Variants in CLASP2 observed in about 807,000 individuals in gnomAD.
The protein encoded by CLASP2 is CLIP-associating protein 2.
In CLASP2, 47 loss-of-function variants were observed where a neutral mutation model predicts 194.4. The ratio of observed to expected loss-of-function variants is 0.24; its 90% CI spans 0.19 to 0.31. The LOEUF is 0.31. Among genes scored for constraint, CLASP2 ranks in the 10% least tolerant of loss-of-function variants. The pLI, the probability that CLASP2 is intolerant of heterozygous loss-of-function variation, is 1.00. For synonymous variants in CLASP2, 619 were observed against 633.5 expected (o/e 0.98, Z 0.34); for missense variants, 1,445 against 1,823.6 (o/e 0.79, Z 3.78).
At chr3:33,619,790 T>A in intron 11 of CLASP2, 52 bp from the exon 12 acceptor site, 1 of 1,370,456 alleles carries the variant, frequency 7.3e-7, no homozygotes, top group Non-Finnish European at 9.7e-7. Flanking sequence ...TAAATATAGA[T>A]AGAACCATAT....
Position 33,608,616 on chromosome 3 carries a change from C to T in CLASP2, c.1399G>A (p.Glu467Lys), listed in dbSNP as rs1174447608. The change falls in exon 14 of 39, where the codon GAA becomes AAA. Residue 467 changes from glutamate (E) to lysine (K), a missense_variant. Transcript: ENST00000682230. ...KSVPVRRRSF[E>K]FLDLLLQEWQ... Reference sequence around the variant, plus strand: ...TCTTGCAACAATAAATCTAAAAATTCAAATGAACGTCTGAAAAATAAAAGT... The same window carrying T: ...TCTTGCAACAATAAATCTAAAAATTTAAATGAACGTCTGAAAAATAAAAGT... 1 of 1,608,084 alleles carries T rather than the reference C, an allele frequency of 6.2e-7. No homozygotes were observed. Among genetic ancestry groups the T allele is most frequent in the Admixed American group, 1.7e-5 (1 of 59,442 alleles).
intron 22 of CLASP2, 70 bp downstream of exon 22, chr3:33,584,680 T>C (rs1423590828): frequency 2.2e-6 from 3 of 1,373,682 alleles, no homozygotes; most frequent in Non-Finnish European, 2.9e-6. Context: ...AAGTCTTCAA[T>C]GCTGCCAAAG....
intron 2 of CLASP2, among the ~76,000 whole-genome samples, chr3:33,694,516 C>T (rs991706539): frequency 1.3e-5 from 2 of 152,162 alleles, no homozygotes; most frequent in South Asian, 2.1e-4. Flanking sequence ...CAAGGAGACA[C>T]AGGAAATGCT....
At chr3:33,679,905 T>C (rs1287530307) in intron 6 of CLASP2, among the ~76,000 whole-genome samples, 1 of 152,150 alleles carries the variant, frequency 6.6e-6, no homozygotes, top group Non-Finnish European at 1.5e-5. Context: ...GAGACAAAAA[T>C]GTATGTCCAC....
intron 6 of CLASP2, among the ~76,000 whole-genome samples, chr3:33,682,771 T>G (rs4630892): frequency 6.6e-6 from 1 of 152,068 alleles, no homozygotes; most frequent in African/African-American, 2.4e-5. Context: ...AGTGACTAAT[T>G]TAAAAAACAA....
At chr3:33,612,334 A>G (rs2075339989) in intron 12 of CLASP2, among the ~76,000 whole-genome samples, 1 of 152,218 alleles carries the variant, frequency 6.6e-6, no homozygotes, top group Non-Finnish European at 1.5e-5. Flanking sequence ...AGAACTGTTA[A>G]GACAATATAG....
Position 33,673,918 on chromosome 3 carries a change from T to C in CLASP2, c.645-10403A>G, listed in dbSNP as rs547819890. Among the ~76,000 whole-genome samples, 653 of 152,218 alleles carry C rather than the reference T, an allele frequency of 4.3e-3. 4 individuals carry two copies. The highest frequency in any genetic ancestry group is 0.013 in the African/African-American group (526 of 41,496). Reference sequence around the variant, plus strand: ...CTATCCTAAATATATATGCACCCAATACAGGAGCACCCAGATTCATAAAGA... The same window carrying C: ...CTATCCTAAATATATATGCACCCAACACAGGAGCACCCAGATTCATAAAGA... On this transcript the variant is annotated intron_variant, in intron 6 of 38. Coordinates refer to ENST00000682230, the MANE Select transcript of CLASP2 (RefSeq NM_001365631.1).
Position 33,510,548 on chromosome 3 carries a change from T to TG in CLASP2, c.4317+9dup. ...TCATGGCTTATTCCTCTCCAAGCTT[T>TG]GTTGCTTACCTGTATTAGACCTGGC... is the stretch of plus-strand genomic sequence containing the variant. On this transcript the variant is annotated intron_variant, in intron 37 of 38. Transcript: ENST00000682230. The TG allele has an allele frequency of 6.2e-7, 1 of 1,612,928 alleles. No homozygotes were observed. The highest frequency in any genetic ancestry group is 8.5e-7 in the Non-Finnish European group (1 of 1,179,000).
chr3:33,620,599 A>C (rs1212959078), intron 11 of CLASP2, among the ~76,000 whole-genome samples: 1 of 152,190 alleles, frequency 6.6e-6, no homozygotes, highest in African/African-American at 2.4e-5. Flanking sequence ...AATGAAAAGC[A>C]GGGAGGTGTG....
At chr3:33,654,289 C>A (rs902807134) in intron 7 of CLASP2, among the ~76,000 whole-genome samples, 1 of 151,952 alleles carries the variant, frequency 6.6e-6, no homozygotes, top group African/African-American at 2.4e-5. Flanking sequence ...CAAATGTGCA[C>A]ATGAGTGCAC....
At chr3:33,531,688 T>C (rs1194476007) in intron 34 of CLASP2, among the ~76,000 whole-genome samples, 1 of 152,176 alleles carries the variant, frequency 6.6e-6, no homozygotes, top group Admixed American at 6.5e-5. Flanking sequence ...GGCAGGAGAA[T>C]TGTTTGAACC....
In CLASP2 at chr3:33,659,055, T is replaced by C. The variant is rs2084821746; in HGVS notation, c.715+4390A>G. 13 of 1,529,046 alleles carry C rather than the reference T, an allele frequency of 8.5e-6. No homozygotes were observed. The Admixed American group carries it at 1.2e-4, about 14-fold the overall frequency. 94.7% of individuals were successfully genotyped at this position (1,529,046 alleles called of 1,614,324 possible). On this transcript the variant is annotated intron_variant, in intron 7 of 38. Transcript: ENST00000682230. Reference sequence around the variant, plus strand: ...AGCACAGCAAATAAGTACAGCTCAGTGCCTGCGCCACTGGGCTCGGCCTGC... The same window carrying C: ...AGCACAGCAAATAAGTACAGCTCAGCGCCTGCGCCACTGGGCTCGGCCTGC...
chr3:33,674,922 A>C (rs2088206880), intron 6 of CLASP2, among the ~76,000 whole-genome samples: 1 of 152,192 alleles, frequency 6.6e-6, no homozygotes, highest in Non-Finnish European at 1.5e-5. Flanking sequence ...CAATAACAGG[A>C]GCTGAAATTG....
At position 33,684,602 on chromosome 3, in the gene CLASP2, AAAC is replaced by A. The variant is rs1212698792; in HGVS notation, c.547-149_547-147del. The stretch of plus-strand genomic sequence containing the variant: ...CATATATGGCTTGTCATCAGTAAAA[AAAC>A]AAGAGGGCCTGCCAAGATACTTCTA... On this transcript the variant is annotated intron_variant, in intron 5 of 38. Transcript: ENST00000682230. The A allele has an allele frequency of 1.6e-5, 7 of 433,598 alleles. No homozygotes were observed. The East Asian group carries it at 2.1e-4, about 13-fold the overall frequency. The allele number at this position is 433,598 out of a possible 1,614,324, so 26.9% of individuals were successfully genotyped here.
chr3:33,510,821 C>T, intron 36 of CLASP2, 57 bp from the exon 37 acceptor site: 2 of 1,409,532 alleles, frequency 1.4e-6, no homozygotes, highest in Non-Finnish European at 2.0e-6. Context: ...ACACTACATC[C>T]TGGAAGTATA....
At chr3:33,602,711 TAC>T (rs1258960354) in intron 18 of CLASP2, 1 of 686,192 alleles carries the variant, frequency 1.5e-6, no homozygotes, top group African/African-American at 1.8e-5. Flanking sequence ...ATGAAAATTC[TAC>T]AGGCAATCAT....
intron 2 of CLASP2, among the ~76,000 whole-genome samples, chr3:33,696,185 T>C (rs2091878698): frequency 6.6e-6 from 1 of 151,914 alleles, no homozygotes. Context: ...AATTTTGCTA[T>C]AATTTATTCT....
At chr3:33,586,152 C>A (rs1486723306) in intron 21 of CLASP2, among the ~76,000 whole-genome samples, 1 of 151,742 alleles carries the variant, frequency 6.6e-6, no homozygotes, top group African/African-American at 2.4e-5. Context: ...TTTTCCCCCC[C>A]GAGACAGAGT....
chr3:33,697,229 G>C (rs1226936044), intron 1 of CLASP2, among the ~76,000 whole-genome samples: 2 of 152,184 alleles, frequency 1.3e-5, no homozygotes. Context: ...CTACAGTCAT[G>C]CATCACTTAA....
Sources: allele counts gnomAD v4.1 joint callset (sites outside exome capture counted in the v4.1 genomes callset), GRCh38; gene constraint gnomAD v4.1.1; transcripts MANE v1.5; gene names NCBI Gene and HGNC (gene_info 2026-07-23, HGNC 2026-07-21).